ZNF385D: variants seen among roughly 807,000 people sequenced by gnomAD.
ZNF385D encodes the protein zinc finger protein 659.
ZNF385D carries 15 observed loss-of-function variants against 35.8 expected under a neutral mutation model. The ratio of observed to expected loss-of-function variants is 0.42; its 90% CI spans 0.28 to 0.64. The LOEUF is 0.64. Ranked by LOEUF, ZNF385D falls within the 30% of genes least tolerant of loss-of-function variation. ZNF385D has a pLI of 0.23. For missense variants in ZNF385D, 474 were observed against 494.6 expected, an observed-to-expected ratio of 0.96 and a Z score of 0.39; for synonymous variants, 212 against 186.8, an observed-to-expected ratio of 1.13 and a Z score of -1.10.
At chr3:21,772,034 G>GAATGTA (rs2071097671) in intron 3 of ZNF385D, among the ~76,000 whole-genome samples, 1 of 151,856 alleles carries the variant, frequency 6.6e-6, no homozygotes, top group African/African-American at 2.4e-5. Context: ...ACAAGCAAAA[G>GAATGTA]AATGTAAATG....
At chr3:22,371,177 C>T (rs1223513256) in intron 2 of ZNF385D, among the ~76,000 whole-genome samples, 1 of 152,120 alleles carries the variant, frequency 6.6e-6, no homozygotes, top group African/African-American at 2.4e-5. Flanking sequence ...GACTGAATTA[C>T]CAGCATAGGC....
intron 4 of ZNF385D, among the ~76,000 whole-genome samples, chr3:21,494,804 T>C (rs1575045857): frequency 6.6e-6 from 1 of 152,264 alleles, no homozygotes; most frequent in Non-Finnish European, 1.5e-5. Context: ...TGACTAGAAA[T>C]ACTGAGTACT....
At chr3:21,609,550 T>A (rs2064604069) in intron 2 of ZNF385D, among the ~76,000 whole-genome samples, 1 of 152,192 alleles carries the variant, frequency 6.6e-6, no homozygotes, top group African/African-American at 2.4e-5. Flanking sequence ...TTAACAAACA[T>A]GTCTTCCCAT....
chr3:21,561,155 T>TTCTG (rs1428893838), intron 3 of ZNF385D, among the ~76,000 whole-genome samples: 1 of 152,184 alleles, frequency 6.6e-6, no homozygotes, highest in East Asian at 1.9e-4. Flanking sequence ...GAGTGAATGG[T>TTCTG]TCTGTCTTGC....
chr3:21,845,790 G>A (rs1023463300), intron 3 of ZNF385D, among the ~76,000 whole-genome samples: 5 of 151,912 alleles, frequency 3.3e-5, no homozygotes, highest in Admixed American at 2.0e-4. Context: ...AAGAATCAAC[G>A]TCTTTAACTT....
chr3:21,571,960 G>GT (rs570140366), intron 2 of ZNF385D, among the ~76,000 whole-genome samples: 164 of 152,194 alleles, frequency 1.1e-3, no homozygotes, highest in Admixed American at 2.3e-3. Flanking sequence ...GCCGTCCATA[G>GT]TTTTTTTGTG....
At chr3:21,648,716 T>C (rs994265453) in intron 2 of ZNF385D, among the ~76,000 whole-genome samples, 24 of 152,088 alleles carry the variant, frequency 1.6e-4, no homozygotes, top group Admixed American at 1.2e-3. Flanking sequence ...TGGAGTAGAA[T>C]TGGAAAGCCT....
chr3:22,311,400 T>C (rs1394693408), intron 2 of ZNF385D, among the ~76,000 whole-genome samples: 3 of 152,060 alleles, frequency 2.0e-5, no homozygotes, highest in Non-Finnish European at 4.4e-5. Context: ...ATTTCCAGTA[T>C]TCTACTACTT....
intron 3 of ZNF385D, chr3:22,168,733 A>G (rs1017557234): frequency 4.2e-5 from 35 of 832,238 alleles, no homozygotes; most frequent in Non-Finnish European, 5.1e-5. Context: ...AAAATAGTTC[A>G]TTCTTTTATC....
At chr3:22,212,510 G>A (rs1333573387) in intron 2 of ZNF385D, among the ~76,000 whole-genome samples, 1 of 151,994 alleles carries the variant, frequency 6.6e-6, no homozygotes, top group Non-Finnish European at 1.5e-5. Context: ...TTTCACTTAA[G>A]AGATTCTCTT....
intron 3 of ZNF385D, among the ~76,000 whole-genome samples, chr3:21,529,484 G>A (rs1212836087): frequency 6.6e-6 from 1 of 151,940 alleles, no homozygotes; most frequent in African/African-American, 2.4e-5. Flanking sequence ...TCATAATTTA[G>A]AAAGATTTTT....
At chr3:22,223,877 A>AT (rs1041261211) in intron 2 of ZNF385D, among the ~76,000 whole-genome samples, 44 of 152,098 alleles carry the variant, frequency 2.9e-4, no homozygotes, top group Non-Finnish European at 5.4e-4. Flanking sequence ...TGGTTTATTT[A>AT]TTTTTTTACT....
At chr3:22,008,138 T>G (rs1439816384) in intron 3 of ZNF385D, among the ~76,000 whole-genome samples, 1 of 152,140 alleles carries the variant, frequency 6.6e-6, no homozygotes, top group Non-Finnish European at 1.5e-5. Context: ...TAAACCATCT[T>G]TATTTAGATG....
intron 3 of ZNF385D, among the ~76,000 whole-genome samples, chr3:22,139,251 C>A (rs1261353660): frequency 1.3e-5 from 2 of 152,158 alleles, no homozygotes; most frequent in Admixed American, 6.5e-5. Flanking sequence ...TTGACCCAGC[C>A]ATCCCATTAC....
intron 2 of ZNF385D, among the ~76,000 whole-genome samples, chr3:22,353,783 C>G (rs1696024491): frequency 6.6e-6 from 1 of 152,116 alleles, no homozygotes; most frequent in Admixed American, 6.6e-5. Context: ...ACACTCTCAT[C>G]TTTACACTTT....
intron 3 of ZNF385D, among the ~76,000 whole-genome samples, chr3:21,827,810 T>C (rs1694738729): frequency 6.6e-6 from 1 of 152,224 alleles, no homozygotes; most frequent in African/African-American, 2.4e-5. Flanking sequence ...AATGCAGTTT[T>C]TGATCCCTTT....
At chr3:21,636,516 A>G (rs1200668043) in intron 2 of ZNF385D, among the ~76,000 whole-genome samples, 1 of 150,754 alleles carries the variant, frequency 6.6e-6, no homozygotes, top group Admixed American at 6.6e-5. Context: ...CCCAAAGCTG[A>G]AGAACTTGGA....
At chr3:22,040,378 T>G (rs1002033974) in intron 3 of ZNF385D, among the ~76,000 whole-genome samples, 1 of 152,126 alleles carries the variant, frequency 6.6e-6, no homozygotes, top group East Asian at 1.9e-4. Flanking sequence ...GGAACTTAAG[T>G]GCACAGAGAC....
rs977862856 is a variant in ZNF385D at position 22,076,071 on chromosome 3, A to AT, written c.325+92745dup. ...TACCAACTGAGTCTAAACTACTGTA[A>AT]TTTTTTTTACGTAGACTATCACCTT... On this transcript the variant is annotated intron_variant, in intron 3 of 5. Coordinates refer to the ZNF385D transcript ENST00000494108. Among the ~76,000 whole-genome samples, 6 of 151,836 alleles carry AT rather than the reference A, an allele frequency of 4.0e-5. No homozygotes were observed. In the South Asian group the frequency reaches 6.2e-4, roughly 16 times the overall value.
Sources: gnomAD v4.1 joint callset for allele counts (sites outside exome capture counted in the v4.1 genomes callset) on GRCh38, gnomAD v4.1.1 for gene constraint, MANE v1.5 for transcripts, NCBI Gene and HGNC (gene_info 2026-07-23, HGNC 2026-07-21) for gene names.